SKAP1: variants seen among roughly 807,000 people sequenced by gnomAD.
SKAP1 encodes the protein src kinase associated phosphoprotein 1.
SKAP1 carries 44 observed loss-of-function variants against 58.5 expected under a neutral mutation model. The observed-to-expected ratio is 0.75, with a 90% CI of 0.59 to 0.97. The LOEUF is 0.97. Among genes scored for constraint, SKAP1 ranks in the 50% least tolerant of loss-of-function variants. The probability of loss-of-function intolerance (pLI) is 0.00; values close to 1 mark genes in which losing one functional copy is unlikely to be tolerated. For missense variants in SKAP1, 390 were observed against 435.2 expected (o/e 0.90, Z 0.92); for synonymous variants, 127 against 149.7 (o/e 0.85, Z 1.11).
rs116298207 is a variant in SKAP1, at chr17:48,317,432, T to C, written c.280+28473A>G. Reference sequence around the variant, plus strand: ...TAAATTAAGAAATCAAGTTATGTAATAGGAACAATTTTAAAGATGAAGAAA... The same window carrying C: ...TAAATTAAGAAATCAAGTTATGTAACAGGAACAATTTTAAAGATGAAGAAA... On this transcript the variant is annotated intron_variant, in intron 4 of 12. Transcript: ENST00000336915. Among the ~76,000 whole-genome samples, 765 of 152,272 alleles carry C rather than the reference T, an allele frequency of 5.0e-3. 5 individuals are homozygous for C. Among genetic ancestry groups the C allele is most frequent in the African/African-American group, 0.016 (668 of 41,560 alleles).
At chr17:48,370,310 TA>T (rs1323553707) in intron 2 of SKAP1, among the ~76,000 whole-genome samples, 1 of 152,048 alleles carries the variant, frequency 6.6e-6, no homozygotes, top group Non-Finnish European at 1.5e-5. Context: ...CTATCATTAT[TA>T]TTATATTTTT....
intron 12 of SKAP1, among the ~76,000 whole-genome samples, chr17:48,136,295 C>T (rs2063697277): frequency 6.6e-6 from 1 of 151,828 alleles, no homozygotes; most frequent in Admixed American, 6.6e-5. Flanking sequence ...CCTCAGCCTC[C>T]TGAGTAGCTA....
chr17:48,397,351 G>A (rs1373717191), intron 1 of SKAP1, among the ~76,000 whole-genome samples: 1 of 152,094 alleles, frequency 6.6e-6, no homozygotes, highest in Non-Finnish European at 1.5e-5. Flanking sequence ...TCAGCCTCCT[G>A]AGTAGCTGGG....
At chr17:48,440,033 C>T in the SKAP1 span, among the ~76,000 whole-genome samples, 3 of 152,148 alleles carry the variant, frequency 2.0e-5, no homozygotes, top group Non-Finnish European at 4.4e-5. Context: ...CACCAGGACG[C>T]GGGCTGGTGG....
At chr17:48,233,287 G>T (rs1050793985) in intron 4 of SKAP1, among the ~76,000 whole-genome samples, 24 of 152,104 alleles carry the variant, frequency 1.6e-4, no homozygotes, top group African/African-American at 5.3e-4. Flanking sequence ...CTTTGCAATG[G>T]GTTTCAATGT....
At chr17:48,278,187 C>G (rs1375643246) in intron 4 of SKAP1, among the ~76,000 whole-genome samples, 1 of 152,066 alleles carries the variant, frequency 6.6e-6, no homozygotes, top group Non-Finnish European at 1.5e-5. Flanking sequence ...TACATTTTAC[C>G]ATAATCATTT....
chr17:48,136,606 C>T (rs1156982065), intron 12 of SKAP1: 2 of 152,120 alleles, frequency 1.3e-5, no homozygotes, highest in East Asian at 3.9e-4. Flanking sequence ...GAAAAGGTAC[C>T]TGGGACTGGA....
intron 1 of SKAP1, among the ~76,000 whole-genome samples, chr17:48,423,222 G>C (rs750971486): frequency 6.6e-6 from 1 of 152,186 alleles, no homozygotes; most frequent in Non-Finnish European, 1.5e-5. Flanking sequence ...TACTACCCCA[G>C]CTGAGAGGAG....
intron 4 of SKAP1, among the ~76,000 whole-genome samples, chr17:48,313,242 C>A (rs1027368865): frequency 6.6e-6 from 1 of 152,006 alleles, no homozygotes; most frequent in Non-Finnish European, 1.5e-5. Flanking sequence ...ATTCCCCATG[C>A]GTTCCCCTTC....
At chr17:48,382,233 A>T (rs2067225016) in intron 2 of SKAP1, 1 of 152,000 alleles carries the variant, frequency 6.6e-6, no homozygotes, top group Non-Finnish European at 1.5e-5. Context: ...GCATTAGGAG[A>T]TATACCTAAC....
chr17:48,162,262 G>A lies in SKAP1; in HGVS notation c.978+207C>T, dbSNP rs112074552. On this transcript the variant is annotated intron_variant, in intron 11 of 12. Coordinates refer to ENST00000336915, the MANE Select transcript of SKAP1 (RefSeq NM_003726.4). ...ATTGCAGGCGTGAGCCACCACGCCCGGCCTAGCCTTGTATTTTTAAATGTG... is the reference window on the plus strand; with the variant it reads ...ATTGCAGGCGTGAGCCACCACGCCCAGCCTAGCCTTGTATTTTTAAATGTG... Among the ~76,000 whole-genome samples, 210 of 152,304 alleles carry A rather than the reference G, an allele frequency of 1.4e-3. 2 individuals are homozygous for A. Among genetic ancestry groups the A allele is most frequent in the African/African-American group, 4.9e-3 (205 of 41,562 alleles).
intron 1 of SKAP1, among the ~76,000 whole-genome samples, chr17:48,405,524 CAG>C (rs1363104164): frequency 7.7e-6 from 1 of 129,910 alleles, no homozygotes; most frequent in Non-Finnish European, 1.6e-5. Context: ...TTTTTTGAGA[CAG>C]AGTTTCACTC....
At chr17:48,138,257 T>G (rs1466980687) in intron 11 of SKAP1, among the ~76,000 whole-genome samples, 1 of 150,918 alleles carries the variant, frequency 6.6e-6, no homozygotes, top group African/African-American at 2.4e-5. Context: ...CAGGCTGGAG[T>G]GCAGTGGCAA....
intron 6 of SKAP1, among the ~76,000 whole-genome samples, chr17:48,186,517 G>A (rs548500186): frequency 3.3e-5 from 5 of 151,700 alleles, no homozygotes; most frequent in African/African-American, 7.3e-5. Flanking sequence ...ACAGAGTCTC[G>A]CTCTGTTGCC....
chr17:48,342,513 C>T (rs1327354743), intron 4 of SKAP1, among the ~76,000 whole-genome samples: 1 of 147,020 alleles, frequency 6.8e-6, no homozygotes, highest in African/African-American at 2.6e-5. Context: ...TTGTAGTTTT[C>T]ACAAAGTCAT....
At position 48,216,744 on chromosome 17, in the gene SKAP1, G is replaced by A. The variant is rs183671791; in HGVS notation, c.281-27244C>T. ...TGAGCTCAAGCGATTCAACCACCTC[G>A]GCCTCCCAAAGTGCTGGGATTACAG... On this transcript the variant is annotated intron_variant, in intron 4 of 12. Transcript: ENST00000336915. 5.3e-5 allele frequency among the ~76,000 whole-genome samples: 8 copies of A among 152,068 alleles called. No homozygotes were observed. The East Asian group carries it at 5.8e-4, about 11-fold the overall frequency.
At chr17:48,216,504 T>G (rs1052469028) in intron 4 of SKAP1, among the ~76,000 whole-genome samples, 3 of 152,074 alleles carry the variant, frequency 2.0e-5, no homozygotes, top group African/African-American at 7.2e-5. Flanking sequence ...CTTTTTTTTT[T>G]TTTTTGAGAC....
intron 2 of SKAP1, among the ~76,000 whole-genome samples, chr17:48,386,908 G>A (rs982742807): frequency 7.2e-5 from 11 of 152,194 alleles, no homozygotes; most frequent in Non-Finnish European, 1.5e-4. Flanking sequence ...AAGAACAAGA[G>A]ACTGAGAACA....
chr17:48,283,669 T>A (rs2065795372), intron 4 of SKAP1, among the ~76,000 whole-genome samples: 1 of 152,182 alleles, frequency 6.6e-6, no homozygotes, highest in African/African-American at 2.4e-5. Context: ...GTGGATAGAT[T>A]CCTCTTCTGA....
Sources: gnomAD v4.1 joint callset for allele counts (sites outside exome capture counted in the v4.1 genomes callset) on GRCh38, gnomAD v4.1.1 for gene constraint, MANE v1.5 for transcripts, NCBI Gene and HGNC (gene_info 2026-07-23, HGNC 2026-07-21) for gene names.